PLCB1: variants seen among roughly 807,000 people sequenced by gnomAD.
PLCB1 encodes phospholipase C beta 1.
Under a neutral mutation model 161.8 loss-of-function variants are expected in PLCB1, and 46 were observed. The observed-to-expected ratio is 0.28, with a 90% CI of 0.22 to 0.36. The LOEUF is 0.36. Ranked by LOEUF, PLCB1 falls within the 10% of genes least tolerant of loss-of-function variation. PLCB1 has a pLI of 1.00. For synonymous variants in PLCB1, 517 were observed against 503.7 expected (o/e 1.03, Z -0.35); for missense variants, 1,016 against 1,472.5 (o/e 0.69, Z 5.07).
At chr20:8,279,575 A>G (rs542906498) in intron 2 of PLCB1, among the ~76,000 whole-genome samples, 1 of 152,360 alleles carries the variant, frequency 6.6e-6, no homozygotes, top group South Asian at 2.1e-4. Context: ...ACTGAACTGT[A>G]TGCTTAAAAT....
intron 12 of PLCB1, among the ~76,000 whole-genome samples, chr20:8,711,915 AT>A (rs1979037983): frequency 6.6e-6 from 1 of 152,104 alleles, no homozygotes; most frequent in Non-Finnish European, 1.5e-5. Flanking sequence ...GAACTATTTT[AT>A]TTCCCTGTGT....
At chr20:8,711,253 A>G (rs905399686) in intron 12 of PLCB1, among the ~76,000 whole-genome samples, 3 of 152,212 alleles carry the variant, frequency 2.0e-5, no homozygotes, top group Non-Finnish European at 4.4e-5. Flanking sequence ...TCAAAACATC[A>G]AATTCAGACA....
intron 9 of PLCB1, among the ~76,000 whole-genome samples, chr20:8,678,160 A>G (rs761767569): frequency 1.8e-4 from 28 of 152,186 alleles, no homozygotes; most frequent in Non-Finnish European, 2.8e-4. Flanking sequence ...ATAATTAACT[A>G]TAGGGAAAAT....
intron 2 of PLCB1, among the ~76,000 whole-genome samples, chr20:8,170,785 T>C (rs1172340486): frequency 1.3e-5 from 2 of 152,172 alleles, no homozygotes; most frequent in Non-Finnish European, 2.9e-5. Flanking sequence ...ACAGCCATAA[T>C]TGTAGGCCAA....
At chr20:8,238,761 T>G (rs1167709938) in intron 2 of PLCB1, among the ~76,000 whole-genome samples, 2 of 151,932 alleles carry the variant, frequency 1.3e-5, no homozygotes, top group African/African-American at 4.8e-5. Flanking sequence ...TCAAATGTTA[T>G]AGACAGACCT....
chr20:8,549,198 A>T (rs1042840245), intron 3 of PLCB1, among the ~76,000 whole-genome samples: 15 of 152,114 alleles, frequency 9.9e-5, no homozygotes, highest in Admixed American at 6.6e-4. Flanking sequence ...TAAATAAATA[A>T]ATATATATTT....
At chr20:8,543,388 A>G (rs539082197) in intron 3 of PLCB1, among the ~76,000 whole-genome samples, 1 of 152,172 alleles carries the variant, frequency 6.6e-6, no homozygotes, top group East Asian at 1.9e-4. Context: ...GACTAAGTAT[A>G]AATTCTATGT....
At chr20:8,493,910 T>C (rs59648860) in intron 3 of PLCB1, among the ~76,000 whole-genome samples, 32 of 112,616 alleles carry the variant, frequency 2.8e-4, no homozygotes, top group South Asian at 7.9e-4. Flanking sequence ...CCTTGGTGTA[T>C]GAGAGTCTGC....
At chr20:8,392,360 C>A (rs1351876850) in intron 3 of PLCB1, among the ~76,000 whole-genome samples, 1 of 152,128 alleles carries the variant, frequency 6.6e-6, no homozygotes, top group East Asian at 1.9e-4. Flanking sequence ...GCCTTCACAT[C>A]TGTGGAAAAT....
intron 3 of PLCB1, among the ~76,000 whole-genome samples, chr20:8,588,864 T>G (rs1038911573): frequency 1.2e-4 from 18 of 152,200 alleles, no homozygotes; most frequent in African/African-American, 4.3e-4. Flanking sequence ...TTCTGATGTT[T>G]GTAATTTTCC....
At chr20:8,295,047 T>C (rs1453708241) in intron 2 of PLCB1, among the ~76,000 whole-genome samples, 1 of 152,170 alleles carries the variant, frequency 6.6e-6, no homozygotes, top group Admixed American at 6.6e-5. Flanking sequence ...TACATTATGT[T>C]CAAAGCAAAC....
In PLCB1 at chr20:8,881,835, GAT is replaced by G; in HGVS notation, c.3639_3640del (p.Thr1214SerfsTer54). 1 of 1,611,692 alleles carries G rather than the reference GAT, an allele frequency of 6.2e-7. No individual in the cohort carries two copies. Among genetic ancestry groups the G allele is most frequent in the South Asian group, 1.1e-5 (1 of 91,026 alleles). On this transcript the variant is annotated frameshift_variant, in exon 32 of 32. Transcript: ENST00000338037. LOFTEE classifies it high-confidence loss of function. ...LGGDIPGKEF[D>X]TPL Reference sequence around the variant, plus strand: ...AGGAGACATCCCAGGAAAAGAATTTGATACTCCTCTGTGAATGCTCCTGCCAG... The same window carrying G: ...AGGAGACATCCCAGGAAAAGAATTTGACTCCTCTGTGAATGCTCCTGCCAG...
chr20:8,429,793 C>A (rs1229165778), intron 3 of PLCB1, among the ~76,000 whole-genome samples: 1 of 152,032 alleles, frequency 6.6e-6, no homozygotes, highest in African/African-American at 2.4e-5. Context: ...TCACTTTAAT[C>A]TTTTCAGCTT....
At chr20:8,470,808 TC>T (rs1428930349) in intron 3 of PLCB1, among the ~76,000 whole-genome samples, 5 of 152,188 alleles carry the variant, frequency 3.3e-5, no homozygotes, top group African/African-American at 1.2e-4. Flanking sequence ...AATTTTTTTT[TC>T]TTTTTAAAAT....
In PLCB1 at chr20:8,404,155, A is replaced by G. The variant is rs1465913148; in HGVS notation, c.246+32705A>G. Among the ~76,000 whole-genome samples, 4 of 152,156 alleles carry G rather than the reference A, an allele frequency of 2.6e-5. 1 individual carries two copies. In the South Asian group the frequency reaches 8.3e-4, roughly 32 times the overall value. On this transcript the variant is annotated intron_variant, in intron 3 of 31. Transcript: ENST00000338037. ...AAATTTTATTGAAGGAATATTGACAATCAACTTTCATTGAAAGCAATGGGT... is the reference window on the plus strand; with the variant it reads ...AAATTTTATTGAAGGAATATTGACAGTCAACTTTCATTGAAAGCAATGGGT...
At chr20:8,438,010 A>G (rs995241746) in intron 3 of PLCB1, among the ~76,000 whole-genome samples, 2 of 152,188 alleles carry the variant, frequency 1.3e-5, no homozygotes, top group African/African-American at 2.4e-5. Flanking sequence ...TATGAATTTT[A>G]TATACTTATA....
chr20:8,333,841 A>T (rs1321011634), intron 2 of PLCB1, among the ~76,000 whole-genome samples: 1 of 152,214 alleles, frequency 6.6e-6, no homozygotes, highest in Non-Finnish European at 1.5e-5. Context: ...TTCAGGGCAC[A>T]TATTCTTTAC....
chr20:8,515,959 A>G (rs1984090532), intron 3 of PLCB1, among the ~76,000 whole-genome samples: 1 of 152,196 alleles, frequency 6.6e-6, no homozygotes, highest in Non-Finnish European at 1.5e-5. Context: ...GAGGCCTCAC[A>G]CTCATGGCAG....
chr20:8,727,450 T>A (rs1451480539), intron 17 of PLCB1, 57 bp downstream of exon 17: 1 of 956,362 alleles, frequency 1.0e-6, no homozygotes, highest in African/African-American at 1.6e-5. Context: ...CTTGTGCTAT[T>A]TGTTCATTTG....
Sources: allele counts gnomAD v4.1 joint callset (sites outside exome capture counted in the v4.1 genomes callset), GRCh38; gene constraint gnomAD v4.1.1; transcripts MANE v1.5; gene names NCBI Gene and HGNC (gene_info 2026-07-23, HGNC 2026-07-21).